Variants in ROM1 observed in about 807,000 individuals in gnomAD.
ROM1 encodes rod outer segment membrane protein 1.
Under a neutral mutation model 23.0 loss-of-function variants are expected in ROM1, and 17 were observed. That is an observed-to-expected ratio of 0.74 (90% CI 0.51 to 1.11). ROM1 has a LOEUF of 1.11. ROM1 is among the 50% of genes least tolerant of loss of function. The pLI, the probability that ROM1 is intolerant of heterozygous loss-of-function variation, is 0.00. For missense variants in ROM1, 436 were observed against 439.7 expected (o/e 0.99, Z 0.08); for synonymous variants, 200 against 206.5 (o/e 0.97, Z 0.27).
rs1286330043 is a variant in ROM1, at chr11:62,613,421, G to C, written c.140G>C (p.Arg47Thr). 1.2e-6 allele frequency: 2 copies of C among 1,613,246 alleles called. No individual in the cohort carries two copies. The highest frequency in any genetic ancestry group is 1.3e-5 in the African/African-American group (1 of 75,042). ...AGTGGGCACCTCCTGGTCCAGCTAA[G>C]GCACCTTGGCACCTTCCTGGCTCCC... is the stretch of plus-strand genomic sequence containing the variant. ...LCSGHLLVQL[R>T]HLGTFLAPSC... Residue 47 changes from arginine (R) to threonine (T), a missense_variant, in exon 1 of 3, where the codon AGG becomes ACG. Arg to Thr is a moderately conservative substitution (Grantham distance 71). Coordinates refer to ENST00000278833, the MANE Select transcript of ROM1 (RefSeq NM_000327.4).
intron 1 of ROM1, 50 bp downstream of exon 1, chr11:62,613,921 T>C (rs758482836): frequency 6.2e-7 from 1 of 1,611,704 alleles, no homozygotes; most frequent in Non-Finnish European, 8.5e-7. Flanking sequence ...CTGGACAGGC[T>C]CCCTCCTGCT....
rs934240861 is a variant in ROM1, at chr11:62,614,698, G to A, written c.915G>A (p.Glu305=). Residue 305 remains glutamate (E), a synonymous_variant, in exon 3 of 3, where the codon GAG becomes GAA. Coordinates refer to ENST00000278833, the MANE Select transcript of ROM1 (RefSeq NM_000327.4). ...GAGGGGTCATTGATGCGGGAGGAGA[G>A]ACCCAGGGCTATCTCTTTCCCAGTG... is the stretch of plus-strand genomic sequence containing the variant. ...GLGGVIDAGG[E]TQGYLFPSGL... The A allele has an allele frequency of 3.7e-6, 6 of 1,614,204 alleles. No individual in the cohort carries two copies. Among genetic ancestry groups the A allele is most frequent in the Non-Finnish European group, 5.1e-6 (6 of 1,180,024 alleles).
rs1233876320 is a variant in ROM1 at position 62,615,086 on chromosome 11, G to A, written c.*247G>A. 5 of 547,934 alleles carry A rather than the reference G, an allele frequency of 9.1e-6. No individual in the cohort carries two copies. The Admixed American group carries it at 1.3e-4, about 14-fold the overall frequency. The allele number at this position is 547,934 out of a possible 1,614,324, so 33.9% of individuals were successfully genotyped here. On this transcript the variant is annotated 3_prime_UTR_variant, in exon 3 of 3. Transcript: ENST00000278833. ...ATGAGAAGGCCTGGAGGCTGATTCT[G>A]ATATAGACTCAATAAAGTTTTTGGA...
At position 62,614,287 on chromosome 11, in the gene ROM1, A is replaced by C. The variant is rs574965016; in HGVS notation, c.620A>C (p.Tyr207Ser). The change falls in exon 2 of 3, where the codon TAC (tyrosine) becomes TCC (serine). Residue 207 changes from tyrosine (Y) to serine (S), a missense_variant. Physicochemically the swap from Tyr to Ser is moderately radical, Grantham distance 144. Coordinates refer to ENST00000278833, the MANE Select transcript of ROM1 (RefSeq NM_000327.4). ...DRIQSNVEGLYLTDGVPFSCC... is the reference protein window; with the variant it reads ...DRIQSNVEGLSLTDGVPFSCC... ...ATCCAGAGCAATGTAGAAGGCCTAT[A>C]CCTGACTGATGGGGTCCCTTTCTCC... 18 of 1,613,868 alleles carry C rather than the reference A, an allele frequency of 1.1e-5. No individual in the cohort carries two copies. In the South Asian group the frequency reaches 1.9e-4, roughly 17 times the overall value.
chr11:62,614,005 C>A (rs1942965755), intron 1 of ROM1, 134 bp downstream of exon 1: 1 of 1,528,784 alleles, frequency 6.5e-7, no homozygotes, highest in Admixed American at 1.8e-5. Context: ...ACAGCTCTGC[C>A]ATTTATTAGC....
chr11:62,613,621 C>G lies in ROM1; in HGVS notation c.340C>G (p.Leu114Val), dbSNP rs1406451413. 6.2e-7 allele frequency: 1 copy of G among 1,612,556 alleles called. No homozygotes were observed. The highest frequency in any genetic ancestry group is 8.5e-7 in the Non-Finnish European group (1 of 1,179,488). The change falls in exon 1 of 3, where the codon CTC (leucine) becomes GTC (valine). Residue 114 changes from leucine (L) to valine (V), a missense_variant. Physicochemically the swap from Leu to Val is conservative, Grantham distance 32. Coordinates refer to ENST00000278833, the MANE Select transcript of ROM1 (RefSeq NM_000327.4). Reference sequence around the variant, plus strand: ...GGCTGGCACGGCTGGTGGGGGGGGGCTCCTGGTCGTCGGCCTCGGGCTAGC... The same window carrying G: ...GGCTGGCACGGCTGGTGGGGGGGGGGTCCTGGTCGTCGGCCTCGGGCTAGC... ...LVAGTAGGGG[L>V]LVVGLGLALA...
At position 62,613,567 on chromosome 11, in the gene ROM1, T is replaced by G. The variant is rs747994561; in HGVS notation, c.286T>G (p.Trp96Gly). 3.5e-5 allele frequency: 57 copies of G among 1,613,384 alleles called. No homozygotes were observed. The highest frequency in any genetic ancestry group is 4.6e-5 in the Non-Finnish European group (54 of 1,179,776). Reference sequence around the variant, plus strand: ...TCTGAATGCAGCTCTATACCCTCCCTGGCGAGGGGTCCTGGGCCCGCTGCT... The same window carrying G: ...TCTGAATGCAGCTCTATACCCTCCCGGGCGAGGGGTCCTGGGCCCGCTGCT... The part of the protein sequence containing the change: ...ASLNAALYPP[W>G]RGVLGPLLVA... Residue 96 changes from tryptophan to glycine, a missense_variant, in exon 1 of 3, where the codon TGG becomes GGG. Transcript: ENST00000278833.
In ROM1 at chr11:62,613,379, G is replaced by A. The variant is rs745531803; in HGVS notation, c.98G>A (p.Gly33Asp). 9 of 1,613,644 alleles carry A rather than the reference G, an allele frequency of 5.6e-6. No homozygotes were observed. The highest frequency in any genetic ancestry group is 3.3e-4 in the Middle Eastern group (2 of 6,046). ...TCCTGGCTGCTGGCGCTGGCTGGTG[G>A]CGTCATCCTCCTCTGTAGTGGGCAC... Reference protein sequence around the residue: ...LLSWLLALAGGVILLCSGHLL... With the variant: ...LLSWLLALAGDVILLCSGHLL... Residue 33 changes from glycine to aspartate, a missense_variant, in exon 1 of 3, where the codon GGC becomes GAC. Coordinates refer to ENST00000278833, the MANE Select transcript of ROM1 (RefSeq NM_000327.4).
At chr11:62,614,201 C>G in intron 1 of ROM1, 57 bp from the exon 2 acceptor site, 1 of 1,603,182 alleles carries the variant, frequency 6.2e-7, no homozygotes, top group Non-Finnish European at 8.5e-7. Context: ...GCCCTTCAGT[C>G]CCTCCCCCAG....
intron 1 of ROM1, 51 bp downstream of exon 1, chr11:62,613,922 C>A (rs976443208): frequency 1.2e-6 from 2 of 1,611,752 alleles, no homozygotes; most frequent in Admixed American, 3.3e-5. Flanking sequence ...TGGACAGGCT[C>A]CCTCCTGCTG....
rs149743096 is a variant in ROM1 at position 62,613,953 on chromosome 11, C to T, written c.590+82C>T. 4.0e-3 allele frequency: 6,324 copies of T among 1,600,118 alleles called. 24 individuals carry two copies. The highest frequency in any genetic ancestry group is 4.8e-3 in the Non-Finnish European group (5,645 of 1,174,472). On this transcript the variant is annotated intron_variant, in intron 1 of 2. Transcript: ENST00000278833. ...TGCTGCCTTGAATCCCCACCTCGCT[C>T]AGAGGGGCAATAAGTAGAACATAGT...
rs769266295 is a variant in ROM1 at position 62,614,813 on chromosome 11, C to A, written c.1030C>A (p.Pro344Thr). 2 of 1,614,040 alleles carry A rather than the reference C, an allele frequency of 1.2e-6. No individual in the cohort carries two copies. Among genetic ancestry groups the A allele is most frequent in the Non-Finnish European group, 1.7e-6 (2 of 1,179,986 alleles). ...GGAGGCCCCACCAGGAGAAGCACCT[C>A]CCAAGGAGGATCTATCTGAGGCCTA... The part of the protein sequence containing the change: ...PEEAPPGEAP[P>T]KEDLSEA The change falls in exon 3 of 3, where the codon CCC becomes ACC. Residue 344 changes from proline (P) to threonine (T), a missense_variant. By Grantham distance (38) the Pro-to-Thr change is conservative. Transcript: ENST00000278833.
chr11:62,614,505 G>C lies in ROM1; in HGVS notation c.837+1G>C, dbSNP rs1455268503. The C allele has an allele frequency of 6.2e-7, 1 of 1,614,116 alleles. No individual in the cohort carries two copies. Among genetic ancestry groups the C allele is most frequent in the African/African-American group, 1.3e-5 (1 of 75,018 alleles). On this transcript the variant is annotated splice_donor_variant, in intron 2 of 2. Transcript: ENST00000278833. LOFTEE classifies it high-confidence loss of function. ...GCTGGCTGTCACCTTCCTACTGCAG[G>C]TGAGTCAGCAAAGCATCTGACACCT...
rs1942991487 is a variant in ROM1 at position 62,614,831 on chromosome 11, G to A, written c.1048G>A (p.Glu350Lys). The change falls in exon 3 of 3, where the codon GAG becomes AAG. Residue 350 changes from glutamate (E) to lysine (K), a missense_variant. Transcript: ENST00000278833. ...GEAPPKEDLS[E>K]A is the part of the protein sequence containing the mutation. Reference sequence around the variant, plus strand: ...AGCACCTCCCAAGGAGGATCTATCTGAGGCCTAGAGGCCTGGAGCTTGGGG... The same window carrying A: ...AGCACCTCCCAAGGAGGATCTATCTAAGGCCTAGAGGCCTGGAGCTTGGGG... The A allele has an allele frequency of 1.2e-6, 2 of 1,613,162 alleles. No homozygotes were observed. Among genetic ancestry groups the A allele is most frequent in the Middle Eastern group, 1.7e-4 (1 of 5,904 alleles).
rs764442324 is a variant in ROM1 at position 62,613,619 on chromosome 11, G to GCCCCCCCAGCACCA, written c.338_339insCCCCCCCAGCACCA (p.Leu114ProfsTer13). ...GTGGCTGGCACGGCTGGTGGGGGGG[G>GCCCCCCCAGCACCA]GCTCCTGGTCGTCGGCCTCGGGCTA... On this transcript the variant is annotated frameshift_variant, in exon 1 of 3. Transcript: ENST00000278833. LOFTEE classifies it high-confidence loss of function. 1.6e-4 allele frequency: 266 copies of GCCCCCCCAGCACCA among 1,612,948 alleles called. 1 individual carries two copies. The South Asian group carries it at 2.8e-3, about 17-fold the overall frequency.
At position 62,614,903 on chromosome 11, in the gene ROM1, T is replaced by G. The variant is rs1942992649; in HGVS notation, c.*64T>G. The G allele has an allele frequency of 2.2e-6, 3 of 1,344,388 alleles. No individual in the cohort carries two copies. The highest frequency in any genetic ancestry group is 2.4e-5 in the South Asian group (2 of 84,502). 83.3% of individuals were successfully genotyped at this position (1,344,388 alleles called of 1,614,324 possible). On this transcript the variant is annotated 3_prime_UTR_variant, in exon 3 of 3. Transcript: ENST00000278833. The stretch of plus-strand genomic sequence containing the variant: ...CAAGTCTGAAAACCTCACAACTCCT[T>G]ACCAAGGCTCCAGGTTGGGGGGATC...
At position 62,613,612 on chromosome 11, in the gene ROM1, G is replaced by T. The variant is rs753452550; in HGVS notation, c.331G>T (p.Gly111Trp). The change falls in exon 1 of 3, where the codon GGG (glycine) becomes TGG (tryptophan). Residue 111 changes from glycine (G) to tryptophan (W), a missense_variant. Gly to Trp is a radical substitution (Grantham distance 184). Transcript: ENST00000278833. Reference protein sequence around the residue: ...GPLLVAGTAGGGGLLVVGLGL... With the variant: ...GPLLVAGTAGWGGLLVVGLGL... ...GCTGCTGGTGGCTGGCACGGCTGGT[G>T]GGGGGGGGCTCCTGGTCGTCGGCCT... 2.6e-5 allele frequency: 42 copies of T among 1,595,286 alleles called. No homozygotes were observed. The highest frequency in any genetic ancestry group is 1.4e-4 in the Admixed American group (8 of 59,206).
rs934233533 is a variant in ROM1 at position 62,614,974 on chromosome 11, A to C, written c.*135A>C. 1 of 722,644 alleles carries C rather than the reference A, an allele frequency of 1.4e-6. No individual in the cohort carries two copies. The highest frequency in any genetic ancestry group is 2.4e-5 in the Admixed American group (1 of 40,958). The allele number at this position is 722,644 out of a possible 1,614,324, so 44.8% of individuals were successfully genotyped here. A position where few individuals can be genotyped will look rare whatever the true frequency, so the allele number is the denominator to read the frequency against. On this transcript the variant is annotated 3_prime_UTR_variant, in exon 3 of 3. Transcript: ENST00000278833. ...GATAGTCAGCGAGCTGGACTGGGGT[A>C]AGAAAGAAAACCAGATGTCCTAGGG...
In ROM1 at chr11:62,614,322, C is replaced by T. The variant is rs1208246122; in HGVS notation, c.655C>T (p.Pro219Ser). The change falls in exon 2 of 3, where the codon CCC becomes TCC. Residue 219 changes from proline (P) to serine (S), a missense_variant. Physicochemically the swap from Pro to Ser is moderately conservative, Grantham distance 74 (BLOSUM62 -1). Coordinates refer to ENST00000278833, the MANE Select transcript of ROM1 (RefSeq NM_000327.4). ...TDGVPFSCCN[P>S]HSPRPCLQNR... ...TGGGGTCCCTTTCTCCTGTTGCAACCCCCACTCACCCCGGCCTTGCCTGCA... is the reference window on the plus strand; with the variant it reads ...TGGGGTCCCTTTCTCCTGTTGCAACTCCCACTCACCCCGGCCTTGCCTGCA... 5 of 1,613,912 alleles carry T rather than the reference C, an allele frequency of 3.1e-6. No homozygotes were observed. Among genetic ancestry groups the T allele is most frequent in the African/African-American group, 2.7e-5 (2 of 74,882 alleles).
Sources: gnomAD v4.1 joint callset for allele counts on GRCh38, gnomAD v4.1.1 for gene constraint, MANE v1.5 for transcripts, NCBI Gene and HGNC (gene_info 2026-07-23, HGNC 2026-07-21) for gene names.